PTPRD: variants seen among roughly 807,000 people sequenced by gnomAD.
PTPRD encodes receptor-type tyrosine-protein phosphatase delta.
PTPRD carries 34 observed loss-of-function variants against 214.5 expected under a neutral mutation model. That is an observed-to-expected ratio of 0.16 (90% CI 0.12 to 0.21). PTPRD has a LOEUF of 0.21. PTPRD is among the 10% of genes least tolerant of loss of function. The pLI is 1.00. For missense variants in PTPRD, 2,545 were observed against 2,398.7 expected (o/e 1.06, Z -1.27); for synonymous variants, 1,128 against 845.7 (o/e 1.33, Z -5.79).
At chr9:8,687,643 G>T (rs2097709226) in intron 12 of PTPRD, among the ~76,000 whole-genome samples, 1 of 152,010 alleles carries the variant, frequency 6.6e-6, no homozygotes, top group Non-Finnish European at 1.5e-5. Flanking sequence ...ACATTTTGGG[G>T]TACAATATTG....
intron 31 of PTPRD, among the ~76,000 whole-genome samples, chr9:8,466,811 G>C (rs1468764211): frequency 1.3e-5 from 2 of 151,828 alleles, no homozygotes; most frequent in Non-Finnish European, 2.9e-5. Context: ...AAACAGTGCA[G>C]CAAAACTATT....
intron 8 of PTPRD, among the ~76,000 whole-genome samples, chr9:9,528,570 T>G (rs1185620812): frequency 6.6e-6 from 1 of 152,078 alleles, no homozygotes; most frequent in Non-Finnish European, 1.5e-5. Context: ...TTGCGAGAAT[T>G]TTCCCAAGTT....
At chr9:10,056,734 T>C (rs1311721682) in intron 3 of PTPRD, among the ~76,000 whole-genome samples, 1 of 152,060 alleles carries the variant, frequency 6.6e-6, no homozygotes, top group Admixed American at 6.6e-5. Flanking sequence ...CGGGAGTCAT[T>C]GAAAGGAATT....
intron 2 of PTPRD, among the ~76,000 whole-genome samples, chr9:10,460,420 A>C (rs1481317440): frequency 6.6e-6 from 1 of 152,050 alleles, no homozygotes; most frequent in African/African-American, 2.4e-5. Context: ...TTGAATAGCC[A>C]AAACAATTCT....
chr9:8,628,593 C>A (rs1295456580), intron 14 of PTPRD, among the ~76,000 whole-genome samples: 2 of 149,786 alleles, frequency 1.3e-5, no homozygotes, highest in Admixed American at 6.7e-5. Flanking sequence ...TAATCCAAGG[C>A]CTTCCCAATG....
intron 12 of PTPRD, among the ~76,000 whole-genome samples, chr9:8,653,580 CA>C (rs909448475): frequency 2.6e-5 from 4 of 152,070 alleles, no homozygotes; most frequent in Non-Finnish European, 5.9e-5. Flanking sequence ...TGAGAAATCA[CA>C]ACACTGTAAG....
chr9:8,681,197 C>A (rs532541345), intron 12 of PTPRD, among the ~76,000 whole-genome samples: 21 of 152,274 alleles, frequency 1.4e-4, no homozygotes, highest in African/African-American at 4.8e-4. Context: ...CGCAGACACT[C>A]AGTGTAGATG....
intron 11 of PTPRD, among the ~76,000 whole-genome samples, chr9:8,809,041 AAACT>A (rs747933728): frequency 1.1e-4 from 17 of 152,154 alleles, no homozygotes; most frequent in African/African-American, 1.9e-4. Flanking sequence ...CTGTCCAGTG[AAACT>A]AACTAAGACC....
At chr9:8,884,698 A>T (rs13290454) in intron 11 of PTPRD, among the ~76,000 whole-genome samples, 5 of 152,138 alleles carry the variant, frequency 3.3e-5, no homozygotes, top group African/African-American at 1.2e-4. Context: ...TGAAATCCAC[A>T]ATAGAAAGGT....
intron 17 of PTPRD, among the ~76,000 whole-genome samples, chr9:8,525,352 T>C (rs1239867108): frequency 6.6e-6 from 1 of 152,104 alleles, no homozygotes; most frequent in South Asian, 2.1e-4. Context: ...TTCAAGGAAG[T>C]ATGGCTTTTA....
chr9:9,078,894 T>C (rs1020532758), intron 10 of PTPRD, among the ~76,000 whole-genome samples: 2 of 152,084 alleles, frequency 1.3e-5, no homozygotes, highest in Non-Finnish European at 1.5e-5. Context: ...ACTCAATATA[T>C]AGTGATCAGA....
At chr9:9,955,362 A>T (rs1587139387) in intron 4 of PTPRD, among the ~76,000 whole-genome samples, 1 of 152,136 alleles carries the variant, frequency 6.6e-6, no homozygotes, top group East Asian at 1.9e-4. Flanking sequence ...TCTTAAATAA[A>T]TTTTTACTTC....
At chr9:9,850,940 A>T (rs2060442769) in intron 5 of PTPRD, among the ~76,000 whole-genome samples, 1 of 152,150 alleles carries the variant, frequency 6.6e-6, no homozygotes, top group Admixed American at 6.6e-5. Flanking sequence ...GGCTTTGGAA[A>T]ATGTTAAACA....
intron 2 of PTPRD, among the ~76,000 whole-genome samples, chr9:10,537,293 A>G (rs1363994265): frequency 6.6e-6 from 1 of 152,200 alleles, no homozygotes; most frequent in East Asian, 1.9e-4. Context: ...CCTTCTTCAC[A>G]CACTGATTTG....
rs879162074 is a variant in PTPRD, at chr9:9,090,875, T to C, written c.-142-72140A>G. 9 of 955,288 alleles carry C rather than the reference T, an allele frequency of 9.4e-6. No homozygotes were observed. The South Asian group carries it at 1.0e-4, about 11-fold the overall frequency. 59.2% of individuals were successfully genotyped at this position (955,288 alleles called of 1,614,324 possible). The stretch of plus-strand genomic sequence containing the variant: ...CAGGTTAAAAATTTCTTTAAATAGC[T>C]GTCTCCGGTCCGTGCCTCCAAGATG... On this transcript the variant is annotated intron_variant, in intron 10 of 45. Transcript: ENST00000381196.
At chr9:8,927,309 G>A (rs953273728) in intron 11 of PTPRD, among the ~76,000 whole-genome samples, 2 of 152,054 alleles carry the variant, frequency 1.3e-5, no homozygotes, top group Admixed American at 6.6e-5. Flanking sequence ...TGTCATGGTG[G>A]TGTGCTGCAC....
At chr9:9,591,017 G>C (rs975347990) in intron 7 of PTPRD, among the ~76,000 whole-genome samples, 1 of 151,956 alleles carries the variant, frequency 6.6e-6, no homozygotes, top group Non-Finnish European at 1.5e-5. Context: ...ACCCCCTAAA[G>C]GTGTCCGTGC....
chr9:9,453,068 G>T (rs1474101210), intron 8 of PTPRD, among the ~76,000 whole-genome samples: 2 of 147,256 alleles, frequency 1.4e-5, no homozygotes, highest in African/African-American at 2.5e-5. Flanking sequence ...ATATCCATAA[G>T]ATGTGACCAC....
chr9:9,593,942 G>A (rs2093022986), intron 7 of PTPRD, among the ~76,000 whole-genome samples: 1 of 151,974 alleles, frequency 6.6e-6, no homozygotes, highest in African/African-American at 2.4e-5. Flanking sequence ...TCAGATATCT[G>A]TAACCTGAGA....
Sources: allele counts gnomAD v4.1 joint callset (sites outside exome capture counted in the v4.1 genomes callset), GRCh38; gene constraint gnomAD v4.1.1; transcripts MANE v1.5; gene names NCBI Gene and HGNC (gene_info 2026-07-23, HGNC 2026-07-21).